Variants in BAZ2B observed in about 807,000 individuals in gnomAD.
BAZ2B encodes bromodomain adjacent to zinc finger domain 2B, also known as bromodomain adjacent to zinc finger domain protein 2B.
BAZ2B carries 91 observed loss-of-function variants against 246.0 expected under a neutral mutation model. That is an observed-to-expected ratio of 0.37 (90% CI 0.31 to 0.44). BAZ2B has a LOEUF of 0.44. Ranked by LOEUF, BAZ2B falls within the 20% of genes least tolerant of loss-of-function variation. The probability of loss-of-function intolerance (pLI) is 1.00; values close to 1 mark genes in which losing one functional copy is unlikely to be tolerated. For missense variants in BAZ2B, 2,332 were observed against 2,533.7 expected, an observed-to-expected ratio of 0.92 and a Z score of 1.71; for synonymous variants, 855 against 860.0, an observed-to-expected ratio of 0.99 and a Z score of 0.10.
chr2:159,678,183 T>A, the BAZ2B span, among the ~76,000 whole-genome samples: 1 of 152,180 alleles, frequency 6.6e-6, no homozygotes, highest in South Asian at 2.1e-4. Context: ...GCAAACATAG[T>A]CTGGAATAAA....
intron 2 of BAZ2B, among the ~76,000 whole-genome samples, chr2:159,497,690 T>C (rs1294479743): frequency 6.6e-6 from 1 of 151,952 alleles, no homozygotes; most frequent in African/African-American, 2.4e-5. Context: ...TTTAAAAAAG[T>C]GGGTTGGAAA....
chr2:159,524,422 C>T (rs974297049), intron 2 of BAZ2B, among the ~76,000 whole-genome samples: 4 of 152,130 alleles, frequency 2.6e-5, no homozygotes, highest in Admixed American at 2.0e-4. Context: ...TCACTACACT[C>T]GAGCCTGGGC....
chr2:159,700,192 T>C, the BAZ2B span, among the ~76,000 whole-genome samples: 4 of 152,152 alleles, frequency 2.6e-5, no homozygotes, highest in South Asian at 2.1e-4. Context: ...AGACTTAGAA[T>C]TTACAAAACA....
At chr2:159,616,100 G>C (rs1696050562) in intron 1 of BAZ2B, 142 bp downstream of exon 1, 1 of 152,200 alleles carries the variant, frequency 6.6e-6, no homozygotes. Flanking sequence ...AGAGGGCGGC[G>C]GGGCGAGCGC....
intron 14 of BAZ2B, among the ~76,000 whole-genome samples, chr2:159,405,709 C>G (rs2065824770): frequency 9.7e-6 from 1 of 103,284 alleles, no homozygotes; most frequent in African/African-American, 2.9e-5. Flanking sequence ...ATCAGAGAGG[C>G]TTATTTAAGT....
At chr2:159,472,640 T>C (rs534122104) in intron 3 of BAZ2B, among the ~76,000 whole-genome samples, 2 of 152,352 alleles carry the variant, frequency 1.3e-5, no homozygotes, top group South Asian at 4.1e-4. Context: ...ATAGCTCTTA[T>C]TATTTGGAGA....
chr2:159,674,298 G>A, the BAZ2B span, among the ~76,000 whole-genome samples: 23 of 135,166 alleles, frequency 1.7e-4, no homozygotes, highest in Middle Eastern at 5.1e-3. Context: ...TCACACCATT[G>A]CACTCCAGCC....
At chr2:159,636,446 T>C in the BAZ2B span, among the ~76,000 whole-genome samples, 7 of 152,282 alleles carry the variant, frequency 4.6e-5, no homozygotes, top group African/African-American at 1.7e-4. Context: ...TGTGCTGGAC[T>C]CAACTGGCAC....
At chr2:159,565,561 G>A (rs1318228459) in intron 1 of BAZ2B, among the ~76,000 whole-genome samples, 1 of 152,042 alleles carries the variant, frequency 6.6e-6, no homozygotes, top group African/African-American at 2.4e-5. Context: ...GGGGGATCAC[G>A]AGGTCAGGAG....
At chr2:159,527,195 T>C (rs2084844551) in intron 2 of BAZ2B, among the ~76,000 whole-genome samples, 1 of 152,192 alleles carries the variant, frequency 6.6e-6, no homozygotes, top group Non-Finnish European at 1.5e-5. Context: ...CATTTTTCAA[T>C]TTCTCTGACG....
the BAZ2B span, chr2:159,695,205 T>C: frequency 6.6e-6 from 1 of 152,214 alleles, no homozygotes; most frequent in East Asian, 1.9e-4. Context: ...ACAATTAGAT[T>C]ATTTGTGTTT....
chr2:159,328,640 C>T (rs1416307603), intron 34 of BAZ2B, among the ~76,000 whole-genome samples: 1 of 152,152 alleles, frequency 6.6e-6, no homozygotes, highest in Non-Finnish European at 1.5e-5. Context: ...CCCTGTTTGC[C>T]ACAGTGCCCA....
chr2:159,324,486 C>T (rs532569192), intron 36 of BAZ2B, among the ~76,000 whole-genome samples: 2 of 152,124 alleles, frequency 1.3e-5, no homozygotes, highest in African/African-American at 4.8e-5. Context: ...CTTTGGGAGG[C>T]TCTCCTGATA....
intron 31 of BAZ2B, among the ~76,000 whole-genome samples, chr2:159,344,808 A>C (rs748049343): frequency 2.6e-4 from 40 of 152,026 alleles, no homozygotes; most frequent in Non-Finnish European, 4.4e-4. Flanking sequence ...ATTCATGTGG[A>C]AGCTTGAAAA....
chr2:159,571,960 GT>G (rs1472393247), intron 1 of BAZ2B, among the ~76,000 whole-genome samples: 3 of 152,158 alleles, frequency 2.0e-5, no homozygotes, highest in Non-Finnish European at 4.4e-5. Context: ...TCTTAATACT[GT>G]TACAATGGCA....
At chr2:159,363,726 T>G (rs2059947156) in intron 27 of BAZ2B, among the ~76,000 whole-genome samples, 1 of 152,180 alleles carries the variant, frequency 6.6e-6, no homozygotes, top group South Asian at 2.1e-4. Flanking sequence ...TTCTTGAGTG[T>G]GGGAATGTAG....
intron 2 of BAZ2B, among the ~76,000 whole-genome samples, chr2:159,544,014 T>C (rs903077168): frequency 6.6e-6 from 1 of 152,250 alleles, no homozygotes. Context: ...TCCTTCCTTA[T>C]TATTTTTAGC....
intron 3 of BAZ2B, among the ~76,000 whole-genome samples, chr2:159,466,400 T>G (rs1457244411): frequency 6.6e-6 from 1 of 152,210 alleles, no homozygotes; most frequent in Non-Finnish European, 1.5e-5. Flanking sequence ...TTGTTTCTTA[T>G]TATTATATAT....
the BAZ2B span, among the ~76,000 whole-genome samples, chr2:159,669,601 A>G: frequency 0.86 from 130,670 of 151,702 alleles, 56,498 homozygotes; most frequent in Middle Eastern, 0.95. Flanking sequence ...TTGTGATTAC[A>G]TTTTCTCAGA....
Sources: gnomAD v4.1 joint callset for allele counts (sites outside exome capture counted in the v4.1 genomes callset) on GRCh38, gnomAD v4.1.1 for gene constraint, MANE v1.5 for transcripts, NCBI Gene and HGNC (gene_info 2026-07-23, HGNC 2026-07-21) for gene names.